The following TSBP1 variants were observed in gnomAD, a reference collection of about 807,000 sequenced individuals.
TSBP1 encodes the protein testis expressed basic protein 1.
TSBP1 carries 56 observed loss-of-function variants against 68.8 expected under a neutral mutation model. The ratio of observed to expected loss-of-function variants is 0.81; its 90% CI spans 0.66 to 1.02. The LOEUF (loss-of-function observed/expected upper bound fraction) is 1.02. Ranked by LOEUF, TSBP1 falls within the 50% of genes least tolerant of loss-of-function variation. TSBP1 has a pLI of 0.00. For synonymous variants in TSBP1, 171 were observed against 208.7 expected, an observed-to-expected ratio of 0.82 and a Z score of 1.56; for missense variants, 502 against 641.2, an observed-to-expected ratio of 0.78 and a Z score of 2.34.
chr6:32,310,761 A>ATATATATATATATATATTTTTTTTTTTTT, intron 19 of TSBP1, among the ~76,000 whole-genome samples: 1 of 144,834 alleles, frequency 6.9e-6, no homozygotes, highest in South Asian at 2.2e-4. Flanking sequence ...ATATATATAT[A>ATATATATATATATATATTTTTTTTTTTTT]TTTTTAATCT....
At chr6:32,339,089 A>G (rs1283418459) in intron 10 of TSBP1, 90 bp from the exon 12 acceptor site, 2 of 1,055,746 alleles carry the variant, frequency 1.9e-6, no homozygotes, top group Non-Finnish European at 3.0e-6. Flanking sequence ...TTTACTACAT[A>G]TTTGATTTAC....
At chr6:32,350,704 G>T (rs1306980356) in intron 8 of TSBP1, among the ~76,000 whole-genome samples, 2 of 152,182 alleles carry the variant, frequency 1.3e-5, no homozygotes, top group Admixed American at 6.5e-5. Flanking sequence ...AGTTAAAGTT[G>T]CTAATCAGCT....
chr6:32,368,908 G>T, intron 2 of TSBP1, 94 bp from the exon 3 acceptor site: 1 of 1,418,800 alleles, frequency 7.0e-7, no homozygotes. Flanking sequence ...TATGCTTCTT[G>T]CTTACCAAGG....
chr6:32,313,649 T>A (rs1017727269), intron 19 of TSBP1, among the ~76,000 whole-genome samples: 2 of 152,160 alleles, frequency 1.3e-5, no homozygotes, highest in Admixed American at 1.3e-4. Context: ...GGGGCTATCT[T>A]TCATGGATAT....
At chr6:32,353,075 A>G (rs1771888469) in intron 8 of TSBP1, 1 of 152,000 alleles carries the variant, frequency 6.6e-6, no homozygotes, top group Non-Finnish European at 1.5e-5. Flanking sequence ...GCAAAAGTAA[A>G]GAGAAGGAAT....
In TSBP1 at chr6:32,333,672, C is replaced by T. The variant is rs1446018367; in HGVS notation, c.473-1618G>A. On this transcript the variant is annotated intron_variant, in intron 14 of 22. Coordinates refer to ENST00000612031, the Ensembl canonical transcript of TSBP1. The surrounding 1 kb of genome is among the most constrained non-coding windows in gnomAD (Gnocchi z 4.2). ...ATGCCCTTGCTGGCAAACTGTGCTT[C>T]CTCCCTTAGGTCCTACTGAGTAGAC... is the stretch of plus-strand genomic sequence containing the variant. Among the ~76,000 whole-genome samples the T allele has an allele frequency of 6.6e-6, 1 of 152,208 alleles. No homozygotes were observed. Among genetic ancestry groups the T allele is most frequent in the African/African-American group, 2.4e-5 (1 of 41,446 alleles).
intron 7 of TSBP1, 118 bp from the exon 8 acceptor site, chr6:32,355,262 A>T (rs1037130992): frequency 2.0e-6 from 2 of 978,598 alleles, no homozygotes; most frequent in Non-Finnish European, 3.2e-6. Flanking sequence ...AGGCCCCGGG[A>T]GTCATCACTG....
At chr6:32,323,129 T>A (rs1167574955) in exon 18 of TSBP1, 2 of 1,583,084 alleles carry the variant, frequency 1.3e-6, no homozygotes, top group South Asian at 2.2e-5. Context: ...ATGGGTGCCA[T>A]GGGTGGACCT....
Position 32,292,884 on chromosome 6 carries a change from T to C in TSBP1, c.*97A>G, listed in dbSNP as rs1194350638. ...TATGAAGATGAAAGGGATTTTATAA[T>C]TGTAATCTGTTTAGGCAATGGCTGG... On this transcript the variant is annotated 3_prime_UTR_variant, in exon 23 of 23. Coordinates refer to ENST00000612031, the Ensembl canonical transcript of TSBP1. This position sits in a 1 kb window ranked among gnomAD's most constrained non-coding sequence, Gnocchi z 4.1. 5.4e-5 allele frequency: 40 copies of C among 739,088 alleles called. No homozygotes were observed. The East Asian group carries it at 9.6e-4, about 18-fold the overall frequency. The allele number at this position is 739,088 out of a possible 1,614,324, so 45.8% of individuals were successfully genotyped here.
rs866001996 is a variant in TSBP1, at chr6:32,370,062, T to C, written c.14-79A>G. On this transcript the variant is annotated intron_variant, in intron 1 of 22. Coordinates refer to ENST00000612031, the Ensembl canonical transcript of TSBP1. Reference sequence around the variant, plus strand: ...GAAACAACTTCTGATCACCTCTTACTATCCACCAGATAGACTTTTTTTCTT... The same window carrying C: ...GAAACAACTTCTGATCACCTCTTACCATCCACCAGATAGACTTTTTTTCTT... 64 of 855,074 alleles carry C rather than the reference T, an allele frequency of 7.5e-5. 1 individual carries two copies. The African/African-American group carries it at 1.2e-3, about 16-fold the overall frequency. The allele number at this position is 855,074 out of a possible 1,614,324, so 53.0% of individuals were successfully genotyped here. A position where few individuals can be genotyped will look rare whatever the true frequency, so the allele number is the denominator to read the frequency against.
chr6:32,326,020 C>T, intron 16 of TSBP1: 2 of 1,531,878 alleles, frequency 1.3e-6, no homozygotes, highest in Non-Finnish European at 1.8e-6. Flanking sequence ...TTACAACAAT[C>T]AGTCTTCAAA....
rs117399283 is a variant in TSBP1 at position 32,338,643 on chromosome 6, G to A, written c.409+336C>T. Reference sequence around the variant, plus strand: ...TGCATGTCACTGAAATTTTCTTGGCGGGTCTTAAGTAGAATGGCCACCATC... The same window carrying A: ...TGCATGTCACTGAAATTTTCTTGGCAGGTCTTAAGTAGAATGGCCACCATC... On this transcript the variant is annotated intron_variant, in intron 11 of 22. Coordinates refer to ENST00000612031, the Ensembl canonical transcript of TSBP1. This position sits in a 1 kb window ranked among gnomAD's most constrained non-coding sequence, Gnocchi z 5.5. Among the ~76,000 whole-genome samples, 99 of 152,214 alleles carry A rather than the reference G, an allele frequency of 6.5e-4. 1 individual carries two copies. In the East Asian group the frequency reaches 0.017, roughly 26 times the overall value.
rs3129908 is a variant in TSBP1 at position 32,357,930 on chromosome 6, C to A, written c.218-2261G>T. ...CAAAGGGTTAAGGGAACTGAAATCC[C>A]CAGCAGTGTCTCTGGGGTGGGGCTG... On this transcript the variant is annotated intron_variant, in intron 6 of 22. Coordinates refer to ENST00000612031, the Ensembl canonical transcript of TSBP1. The surrounding 1 kb of genome is among the most constrained non-coding windows in gnomAD (Gnocchi z 4.7). Among the ~76,000 whole-genome samples the A allele has an allele frequency of 0.51, 77,897 of 151,370 alleles. 20,531 individuals are homozygous for A. Among genetic ancestry groups the A allele is most frequent in the Middle Eastern group, 0.61 (178 of 294 alleles).
At chr6:32,322,212 G>A (rs1037381399) in intron 18 of TSBP1, among the ~76,000 whole-genome samples, 2 of 152,192 alleles carry the variant, frequency 1.3e-5, no homozygotes, top group Admixed American at 6.5e-5. Context: ...GCGGTTTCAC[G>A]AATTCTATAT....
intron 17 of TSBP1, chr6:32,323,369 G>A: frequency 1.4e-6 from 1 of 709,342 alleles, no homozygotes; most frequent in South Asian, 1.5e-5. Flanking sequence ...CACTTAAATA[G>A]TTCTAGAGGA....
chr6:32,328,784 C>T (rs935935431), intron 16 of TSBP1, among the ~76,000 whole-genome samples: 1 of 151,986 alleles, frequency 6.6e-6, no homozygotes, highest in Non-Finnish European at 1.5e-5. Context: ...AACTGCTGAC[C>T]TCGTGATCCA....
chr6:32,296,492 A>G (rs1273949717), intron 22 of TSBP1, among the ~76,000 whole-genome samples: 1 of 152,226 alleles, frequency 6.6e-6, no homozygotes, highest in Non-Finnish European at 1.5e-5. Context: ...TTTCCTAATG[A>G]AAATCAGTGG....
At chr6:32,354,034 A>G (rs1406115494) in intron 8 of TSBP1, among the ~76,000 whole-genome samples, 1 of 152,044 alleles carries the variant, frequency 6.6e-6, no homozygotes, top group African/African-American at 2.4e-5. Flanking sequence ...GAAACTAAAA[A>G]GCAGAAACTC....
At position 32,328,022 on chromosome 6, in the gene TSBP1, T is replaced by C. The variant is rs181554409; in HGVS notation, c.514+2567A>G. Among the ~76,000 whole-genome samples the C allele has an allele frequency of 2.3e-3, 350 of 152,004 alleles. 6 individuals are homozygous for C. Among genetic ancestry groups the C allele is most frequent in the East Asian group, 0.018 (94 of 5,162 alleles). ...GGTTTCACTGTGTTAGCCAGGATGGTCTCCATCTCCTGACTTCGTGATCTG... is the reference window on the plus strand; with the variant it reads ...GGTTTCACTGTGTTAGCCAGGATGGCCTCCATCTCCTGACTTCGTGATCTG... On this transcript the variant is annotated intron_variant, in intron 16 of 22. Coordinates refer to ENST00000612031, the Ensembl canonical transcript of TSBP1.
Sources: allele counts gnomAD v4.1 joint callset (sites outside exome capture counted in the v4.1 genomes callset), GRCh38; gene constraint gnomAD v4.1.1; non-coding constraint Gnocchi (gnomAD v3.1); transcripts MANE v1.5; gene names NCBI Gene and HGNC (gene_info 2026-07-23, HGNC 2026-07-21).